Variants in KNDC1 observed in about 807,000 individuals in gnomAD.
KNDC1 encodes the protein kinase non-catalytic C-lobe domain containing 1.
KNDC1 carries 106 observed loss-of-function variants against 172.8 expected under a neutral mutation model. The observed-to-expected ratio is 0.61, with a 90% CI of 0.52 to 0.72. The LOEUF is 0.72. Among genes scored for constraint, KNDC1 ranks in the 30% least tolerant of loss-of-function variants. The pLI is 0.00. For missense variants in KNDC1, 2,325 were observed against 2,394.5 expected (o/e 0.97, Z 0.61); for synonymous variants, 1,083 against 1,062.2 (o/e 1.02, Z -0.38).
At chr10:133,195,862 G>T in intron 10 of KNDC1, 41 bp downstream of exon 10, 1 of 1,466,644 alleles carries the variant, frequency 6.8e-7, no homozygotes, top group South Asian at 1.3e-5. Context: ...AGGGTCCAAG[G>T]ACTGTGGGCA....
chr10:133,183,305 C>A, intron 3 of KNDC1, 39 bp from the exon 4 acceptor site: 1 of 1,554,280 alleles, frequency 6.4e-7, no homozygotes, highest in Non-Finnish European at 8.7e-7. Context: ...GTGGCGCACA[C>A]GCAGAGACTC....
intron 1 of KNDC1, among the ~76,000 whole-genome samples, chr10:133,166,642 G>A (rs1335943101): frequency 6.6e-6 from 1 of 152,154 alleles, no homozygotes; most frequent in African/African-American, 2.4e-5. Flanking sequence ...TACTGTGTGA[G>A]CGTGCCCTGT....
Position 133,199,128 on chromosome 10 carries a change from C to T in KNDC1, c.2620C>T (p.Leu874Phe). The T allele has an allele frequency of 6.2e-7, 1 of 1,605,990 alleles. No individual in the cohort carries two copies. The highest frequency in any genetic ancestry group is 8.5e-7 in the Non-Finnish European group (1 of 1,177,242). Residue 874 changes from leucine to phenylalanine, a missense_variant, in exon 14 of 30, where the codon CTC becomes TTC. Leu to Phe is a conservative substitution (Grantham distance 22, BLOSUM62 0). Transcript: ENST00000304613. Reference protein sequence around the residue: ...PERPRPADRRLCLPCVDASPL... With the variant: ...PERPRPADRRFCLPCVDASPL... ...GAGGCCGCGGCCCGCAGACCGGAGG[C>T]TCTGTCTGCCCTGCGTGGATGCCTC...
In KNDC1 at chr10:133,198,913, T is replaced by G. The variant is rs780204765; in HGVS notation, c.2405T>G (p.Ile802Ser). The G allele has an allele frequency of 3.5e-5, 56 of 1,582,960 alleles. No individual in the cohort carries two copies. The highest frequency in any genetic ancestry group is 4.5e-5 in the Non-Finnish European group (53 of 1,169,410). ...GTAGAGCAAGGGCCGGCTGAGCCGA[T>G]CCCACCTGGAGTTGCTTCCGGGGGC... The part of the protein sequence containing the change: ...LPVEQGPAEP[I>S]PPGVASGGLR... Residue 802 changes from isoleucine to serine, a missense_variant, in exon 14 of 30, where the codon ATC (isoleucine) becomes AGC (serine). Transcript: ENST00000304613.
chr10:133,215,541 A>G (rs914561986), intron 26 of KNDC1, among the ~76,000 whole-genome samples: 1 of 152,254 alleles, frequency 6.6e-6, no homozygotes, highest in African/African-American at 2.4e-5. Context: ...GGTTTTCACC[A>G]TATCGTGAGG....
At chr10:133,167,734 A>G (rs555044927) in intron 2 of KNDC1, among the ~76,000 whole-genome samples, 155 bp downstream of exon 2, 92 of 152,196 alleles carry the variant, frequency 6.0e-4, no homozygotes, top group African/African-American at 2.1e-3. Context: ...GGAGGGACTC[A>G]GGCTGGAGAG....
At chr10:133,208,096 C>CA (rs1554919508) in intron 20 of KNDC1, among the ~76,000 whole-genome samples, 3 of 152,164 alleles carry the variant, frequency 2.0e-5, no homozygotes, top group Non-Finnish European at 4.4e-5. Flanking sequence ...CTTGGAGCCC[C>CA]AAGGGTCCTC....
intron 26 of KNDC1, among the ~76,000 whole-genome samples, chr10:133,216,840 TATTC>T (rs1845476373): frequency 6.6e-6 from 1 of 152,200 alleles, no homozygotes; most frequent in Non-Finnish European, 1.5e-5. Context: ...CTTGAGAACT[TATTC>T]AGCCTTAACA....
rs1411965803 is a variant in KNDC1, at chr10:133,219,997, C to T, written c.4903C>T (p.Arg1635Cys). Residue 1635 changes from arginine (R) to cysteine (C), a missense_variant, in exon 29 of 30, where the codon CGC (arginine) becomes TGC (cysteine). Arg to Cys is a radical substitution (Grantham distance 180, BLOSUM62 -3). Transcript: ENST00000304613. The part of the protein sequence containing the change: ...SDSLCLMEGR[R>C]FRAQPTLPSA... The stretch of plus-strand genomic sequence containing the variant: ...CAGCCTGTGTCTGATGGAAGGGCGG[C>T]GCTTCCGGGCGCAGCCCACCCTGCC... 4.5e-6 allele frequency: 7 copies of T among 1,553,240 alleles called. No homozygotes were observed. Among genetic ancestry groups the T allele is most frequent in the South Asian group, 2.4e-5 (2 of 84,218 alleles).
At chr10:133,207,498 C>T (rs1845238395) in intron 20 of KNDC1, 147 bp downstream of exon 20, 1 of 761,704 alleles carries the variant, frequency 1.3e-6, no homozygotes, top group South Asian at 1.8e-5. Flanking sequence ...GGCCAATGTG[C>T]ACTAGGTGCC....
chr10:133,201,954 G>T, intron 17 of KNDC1, 56 bp downstream of exon 17: 1 of 1,512,778 alleles, frequency 6.6e-7, no homozygotes, highest in Non-Finnish European at 8.9e-7. Flanking sequence ...TTCCAGCAGA[G>T]CTTCCTGGTC....
chr10:133,202,562 C>A (rs764090072), intron 17 of KNDC1: 1 of 454,654 alleles, frequency 2.2e-6, no homozygotes, highest in South Asian at 1.6e-5. Context: ...GGCCCAGTGG[C>A]CATCAGCTCC....
chr10:133,170,514 A>T (rs1329228032), intron 3 of KNDC1, among the ~76,000 whole-genome samples: 1 of 152,152 alleles, frequency 6.6e-6, no homozygotes, highest in African/African-American at 2.4e-5. Flanking sequence ...CTCTCCAGTG[A>T]AGCTTTATAA....
intron 9 of KNDC1, among the ~76,000 whole-genome samples, chr10:133,192,458 T>C (rs796709012): frequency 4.6e-5 from 7 of 152,266 alleles, no homozygotes; most frequent in African/African-American, 1.7e-4. Flanking sequence ...AGGCAACCAA[T>C]GATACCAACC....
At position 133,209,623 on chromosome 10, in the gene KNDC1, C is replaced by T. The variant is rs1390697603; in HGVS notation, c.3795-988C>T. On this transcript the variant is annotated intron_variant, in intron 20 of 29. Coordinates refer to ENST00000304613, the MANE Select transcript of KNDC1 (RefSeq NM_152643.8). This position sits in a 1 kb window ranked among gnomAD's most constrained non-coding sequence, Gnocchi z 4.9. ...GTTGTACAGTTTGTGGCTTGCATGG[C>T]GTGAGTGTGAGTGCTGTGCTTCCAT... Among the ~76,000 whole-genome samples, 3 of 151,956 alleles carry T rather than the reference C, an allele frequency of 2.0e-5. No individual in the cohort carries two copies. The highest frequency in any genetic ancestry group is 7.3e-5 in the African/African-American group (3 of 41,330).
rs1393301150 is a variant in KNDC1 at position 133,198,583 on chromosome 10, A to T, written c.2075A>T (p.Gln692Leu). ...LAQNASVARD[Q>L]PALAQEESEE... ...GAGCTCTGCTCCTCCCGTAGGGACCAGCCTGCCTTGGCCCAGGAGGAGTCC... is the reference window on the plus strand; with the variant it reads ...GAGCTCTGCTCCTCCCGTAGGGACCTGCCTGCCTTGGCCCAGGAGGAGTCC... Residue 692 changes from glutamine to leucine, a missense_variant, in exon 14 of 30, where the codon CAG becomes CTG. Gln to Leu is a moderately radical substitution (Grantham distance 113, BLOSUM62 -2). Transcript: ENST00000304613. 1 of 1,589,238 alleles carries T rather than the reference A, an allele frequency of 6.3e-7. No individual in the cohort carries two copies. Among genetic ancestry groups the T allele is most frequent in the South Asian group, 1.1e-5 (1 of 87,606 alleles).
chr10:133,219,861 G>A (rs1004760444), intron 28 of KNDC1, 94 bp from the exon 29 acceptor site: 1 of 1,288,942 alleles, frequency 7.8e-7, no homozygotes, highest in Non-Finnish European at 1.0e-6. Context: ...CGCAGGACCC[G>A]CTGGGACTGG....
intron 1 of KNDC1, among the ~76,000 whole-genome samples, chr10:133,162,739 C>G (rs1853017910): frequency 6.6e-6 from 1 of 152,262 alleles, no homozygotes; most frequent in South Asian, 2.1e-4. Context: ...GCAGCTCTCC[C>G]TCGCGCCAGT....
intron 3 of KNDC1, among the ~76,000 whole-genome samples, chr10:133,179,820 G>A (rs928911722): frequency 2.0e-5 from 3 of 152,182 alleles, no homozygotes; most frequent in South Asian, 4.1e-4. Context: ...GCTCCCCGTC[G>A]CCCTGTGGCC....
Sources: gnomAD v4.1 joint callset for allele counts (sites outside exome capture counted in the v4.1 genomes callset) on GRCh38, gnomAD v4.1.1 for gene constraint, Gnocchi (gnomAD v3.1) non-coding constraint, MANE v1.5 for transcripts, NCBI Gene and HGNC (gene_info 2026-07-23, HGNC 2026-07-21) for gene names.